Variants in MCC observed in about 807,000 individuals in gnomAD.
MCC encodes MCC regulator of Wnt signaling pathway, also known as colorectal mutant cancer protein.
Under a neutral mutation model 116.2 loss-of-function variants are expected in MCC, and 90 were observed. The observed-to-expected ratio is 0.77, with a 90% CI of 0.65 to 0.92. MCC has a LOEUF of 0.92. Among genes scored for constraint, MCC ranks in the 40% least tolerant of loss-of-function variants. The pLI, the probability that MCC is intolerant of heterozygous loss-of-function variation, is 0.00. For synonymous variants in MCC, 578 were observed against 510.5 expected (o/e 1.13, Z -1.78); for missense variants, 1,516 against 1,312.2 (o/e 1.16, Z -2.40).
intron 14 of MCC, among the ~76,000 whole-genome samples, chr5:113,056,031 T>A (rs2150224620): frequency 6.6e-6 from 1 of 152,322 alleles, no homozygotes; most frequent in African/African-American, 2.4e-5. Context: ...TTAAAATAAA[T>A]CACTGTTTGC....
chr5:113,053,162 G>T (rs1206930384), intron 15 of MCC, among the ~76,000 whole-genome samples: 1 of 152,110 alleles, frequency 6.6e-6, no homozygotes, highest in African/African-American at 2.4e-5. Flanking sequence ...ATACCAGCAG[G>T]TAGGTATCTC....
intron 1 of MCC, among the ~76,000 whole-genome samples, chr5:113,465,917 G>C (rs1372110157): frequency 6.6e-6 from 1 of 151,864 alleles, no homozygotes; most frequent in Middle Eastern, 3.4e-3. Context: ...ACTCTGAAAA[G>C]CAATTAGGAA....
chr5:113,456,693 G>A (rs1172617093), intron 1 of MCC, among the ~76,000 whole-genome samples: 6 of 127,114 alleles, frequency 4.7e-5, no homozygotes, highest in Admixed American at 1.0e-4. Context: ...GGATGGTCTC[G>A]ATCTCCTGAC....
At chr5:113,410,790 T>C (rs1769968836) in intron 1 of MCC, among the ~76,000 whole-genome samples, 1 of 152,206 alleles carries the variant, frequency 6.6e-6, no homozygotes, top group African/African-American at 2.4e-5. Context: ...TGGTGTGCGA[T>C]GTTCCCTGCC....
At chr5:113,196,511 T>C (rs1405253865) in intron 3 of MCC, among the ~76,000 whole-genome samples, 1 of 152,206 alleles carries the variant, frequency 6.6e-6, no homozygotes, top group African/African-American at 2.4e-5. Flanking sequence ...TAGGGATTTT[T>C]AAGTGAAATA....
At chr5:113,162,680 G>A (rs576065945) in intron 3 of MCC, among the ~76,000 whole-genome samples, 63 of 152,134 alleles carry the variant, frequency 4.1e-4, no homozygotes, top group African/African-American at 1.4e-3. Context: ...TGTTGTTGTT[G>A]TAGAGATGGG....
At chr5:113,405,738 G>A (rs1363327597) in intron 1 of MCC, among the ~76,000 whole-genome samples, 3 of 151,856 alleles carry the variant, frequency 2.0e-5, no homozygotes, top group Non-Finnish European at 2.9e-5. Context: ...GCTCAGGAAT[G>A]CGAGCCTGCA....
At chr5:113,065,755 G>C (rs371199056) in intron 13 of MCC, among the ~76,000 whole-genome samples, 16 of 152,362 alleles carry the variant, frequency 1.1e-4, no homozygotes, top group Admixed American at 7.8e-4. Context: ...TGTCACAAAT[G>C]AGTTCCTGCT....
At chr5:113,163,914 C>T (rs541424029) in intron 3 of MCC, among the ~76,000 whole-genome samples, 1 of 152,174 alleles carries the variant, frequency 6.6e-6, no homozygotes, top group Non-Finnish European at 1.5e-5. Context: ...AACAACATCC[C>T]CAGGTAATCT....
intron 1 of MCC, among the ~76,000 whole-genome samples, chr5:113,393,848 T>C (rs1481800430): frequency 6.6e-6 from 1 of 152,192 alleles, no homozygotes; most frequent in Non-Finnish European, 1.5e-5. Context: ...GTTTCTCCCA[T>C]CTCTGTATGA....
At chr5:113,184,439 C>T (rs1234169983) in intron 3 of MCC, among the ~76,000 whole-genome samples, 1 of 148,572 alleles carries the variant, frequency 6.7e-6, no homozygotes, top group Non-Finnish European at 1.5e-5. Context: ...GAATAGCACA[C>T]TTTTCCCACA....
At chr5:113,361,681 C>G (rs2150385450) in intron 2 of MCC, among the ~76,000 whole-genome samples, 1 of 152,290 alleles carries the variant, frequency 6.6e-6, no homozygotes, top group African/African-American at 2.4e-5. Flanking sequence ...GCATTTGAAT[C>G]ACTGGACTGA....
At chr5:113,399,209 G>C (rs1769611059) in intron 1 of MCC, among the ~76,000 whole-genome samples, 1 of 152,206 alleles carries the variant, frequency 6.6e-6, no homozygotes, top group Non-Finnish European at 1.5e-5. Flanking sequence ...TTATTGGCCA[G>C]GTGCGGTGGC....
At chr5:113,394,067 T>C (rs1034021679) in intron 1 of MCC, among the ~76,000 whole-genome samples, 5 of 152,202 alleles carry the variant, frequency 3.3e-5, no homozygotes, top group African/African-American at 1.2e-4. Context: ...TTGACTGTCA[T>C]ATATTTATCT....
At chr5:113,291,852 T>C (rs1405210885) in intron 3 of MCC, among the ~76,000 whole-genome samples, 1 of 152,172 alleles carries the variant, frequency 6.6e-6, no homozygotes, top group African/African-American at 2.4e-5. Context: ...TACTGCTCTG[T>C]GGATATTAGA....
chr5:113,434,776 A>C lies in MCC; in HGVS notation c.171-49564T>G. 6.2e-7 allele frequency: 1 copy of C among 1,613,900 alleles called. No homozygotes were observed. The highest frequency in any genetic ancestry group is 8.5e-7 in the Non-Finnish European group (1 of 1,179,864). On this transcript the variant is annotated intron_variant, in intron 1 of 18. Coordinates refer to ENST00000408903, the MANE Select transcript of MCC (RefSeq NM_001085377.2). The surrounding 1 kb of genome is among the most constrained non-coding windows in gnomAD (Gnocchi z 4.2). ...TAAGCAGATTTTACTTTTGCATAGG[A>C]GCCCTCTCCTAAATTTATCCCCAGG...
intron 3 of MCC, among the ~76,000 whole-genome samples, chr5:113,198,427 G>T (rs1241234283): frequency 6.6e-6 from 1 of 151,974 alleles, no homozygotes; most frequent in Non-Finnish European, 1.5e-5. Flanking sequence ...AGGCATGGTG[G>T]CACACACCTG....
At chr5:113,232,963 C>T (rs1763991403) in intron 3 of MCC, among the ~76,000 whole-genome samples, 1 of 152,084 alleles carries the variant, frequency 6.6e-6, no homozygotes, top group Non-Finnish European at 1.5e-5. Flanking sequence ...AAGTCTGAAG[C>T]GTATGGAGCA....
intron 3 of MCC, among the ~76,000 whole-genome samples, chr5:113,196,773 G>C (rs1762433829): frequency 6.6e-6 from 1 of 152,086 alleles, no homozygotes; most frequent in Non-Finnish European, 1.5e-5. Flanking sequence ...CGCTTGAACT[G>C]GGGAGGCAGA....
Sources: gnomAD v4.1 joint callset for allele counts (sites outside exome capture counted in the v4.1 genomes callset) on GRCh38, gnomAD v4.1.1 for gene constraint, Gnocchi (gnomAD v3.1) non-coding constraint, MANE v1.5 for transcripts, NCBI Gene and HGNC (gene_info 2026-07-23, HGNC 2026-07-21) for gene names.